BMP4: variants seen among roughly 807,000 people sequenced by gnomAD.
BMP4 encodes bone morphogenetic protein 2B.
BMP4 carries 3 observed loss-of-function variants against 29.6 expected under a neutral mutation model. The observed-to-expected ratio is 0.10, with a 90% confidence interval of 0.05 to 0.26. The LOEUF is 0.26. Among genes scored for constraint, BMP4 ranks in the 10% least tolerant of loss-of-function variants. The pLI is 1.00. For missense variants in BMP4, 455 were observed against 550.2 expected, an observed-to-expected ratio of 0.83 and a Z score of 1.73; for synonymous variants, 197 against 213.2, an observed-to-expected ratio of 0.92 and a Z score of 0.66.
chr14:53,954,756 C>A lies in BMP4; in HGVS notation c.-132-1356G>T, dbSNP rs1406917543. ...TCAGCGTTCAGCAGGGCCGGGAGCG[C>A]CAGGTCGTCCCCGGGGCCCGGGCCC... On this transcript the variant is annotated intron_variant, in intron 1 of 3. Transcript: ENST00000245451. This position sits in a 1 kb window ranked among gnomAD's most constrained non-coding sequence, Gnocchi z 4.8. 6.6e-6 allele frequency among the ~76,000 whole-genome samples: 1 copy of A among 152,130 alleles called. No individual in the cohort carries two copies. The highest frequency in any genetic ancestry group is 2.4e-5 in the African/African-American group (1 of 41,446).
intron 2 of BMP4, 39 bp downstream of exon 2, chr14:53,953,237 T>A: frequency 2.5e-6 from 1 of 395,178 alleles, no homozygotes; most frequent in Non-Finnish European, 4.5e-6. Flanking sequence ...GAGGGCAGAG[T>A]GAATTCCGGG....
Position 53,950,146 on chromosome 14 carries a change from G to A in BMP4, c.1113C>T (p.Ala371=). 6.2e-7 allele frequency: 1 copy of A among 1,614,216 alleles called. No homozygotes were observed. The highest frequency in any genetic ancestry group is 8.5e-7 in the Non-Finnish European group (1 of 1,180,042). ...CACTCAGTTCAGTGGGCACACAACAGGCTTTGGGGATACTGGAATTGACAG... is the reference window on the plus strand; with the variant it reads ...CACTCAGTTCAGTGGGCACACAACAAGCTTTGGGGATACTGGAATTGACAG... ...VNSVNSSIPK[A]CCVPTELSAI... is the part of the protein sequence containing the mutation. Residue 371 remains alanine (A), a synonymous_variant, in exon 4 of 4, where the codon GCC becomes GCT. Coordinates refer to ENST00000245451, the MANE Select transcript of BMP4 (RefSeq NM_001202.6). This position sits in a 1 kb window ranked among gnomAD's most constrained non-coding sequence, Gnocchi z 5.4.
Position 53,950,104 on chromosome 14 carries a change from G to A in BMP4, c.1155C>T (p.Tyr385=), listed in dbSNP as rs777414609. 1.2e-6 allele frequency: 2 copies of A among 1,613,968 alleles called. No homozygotes were observed. The highest frequency in any genetic ancestry group is 1.1e-5 in the South Asian group (1 of 91,086). The stretch of plus-strand genomic sequence containing the variant: ...GTACCACCTTATCATACTCATCCAG[G>A]TACAGCATGGAGATGGCACTCAGTT... The part of the protein sequence containing the change: ...PTELSAISML[Y]LDEYDKVVLK... Residue 385 remains tyrosine, a synonymous_variant, in exon 4 of 4, where the codon TAC becomes TAT. Transcript: ENST00000245451. The surrounding 1 kb of genome is among the most constrained non-coding windows in gnomAD (Gnocchi z 5.4).
chr14:53,950,443 C>G lies in BMP4; in HGVS notation c.816G>C (p.Leu272=). 6.2e-7 allele frequency: 1 copy of G among 1,613,930 alleles called. No homozygotes were observed. The highest frequency in any genetic ancestry group is 8.5e-7 in the Non-Finnish European group (1 of 1,180,032). Residue 272 remains leucine, a synonymous_variant, in exon 4 of 4, where the codon CTG becomes CTC. Transcript: ENST00000245451. The surrounding 1 kb of genome is among the most constrained non-coding windows in gnomAD (Gnocchi z 5.4). ...CCCGGCCATCATGGCCAAAGGTGAC[C>G]AGGAGGGGCCGGAGCTGGGCCCAAT... ...SGNWAQLRPL[L]VTFGHDGRGH...
intron 2 of BMP4, 76 bp from the exon 3 acceptor site, chr14:53,952,305 G>A (rs771464304): frequency 1.6e-5 from 24 of 1,531,756 alleles, no homozygotes; most frequent in Non-Finnish European, 2.0e-5. Flanking sequence ...AGATGTGTCT[G>A]CATATGCATT....
At chr14:53,952,333 G>A (rs1016652657) in intron 2 of BMP4, 104 bp from the exon 3 acceptor site, 2 of 1,368,632 alleles carry the variant, frequency 1.5e-6, no homozygotes, top group Non-Finnish European at 2.0e-6. Flanking sequence ...AGAAATGGAG[G>A]GGCAAGATGG....
In BMP4 at chr14:53,949,829, C is replaced by T; in HGVS notation, c.*203G>A. 1 of 560,916 alleles carries T rather than the reference C, an allele frequency of 1.8e-6. No homozygotes were observed. The highest frequency in any genetic ancestry group is 3.0e-6 in the Non-Finnish European group (1 of 328,648). The allele number at this position is 560,916 out of a possible 1,614,324, so 34.7% of individuals were successfully genotyped here. A position where few individuals can be genotyped will look rare whatever the true frequency, so the allele number is the denominator to read the frequency against. ...AAATATATGATCAATATGGTCAAAA[C>T]ATTTGCACGTAAAGTCATAAATAAG... On this transcript the variant is annotated 3_prime_UTR_variant, in exon 4 of 4. Coordinates refer to ENST00000245451, the MANE Select transcript of BMP4 (RefSeq NM_001202.6).
Position 53,951,580 on chromosome 14 carries a change from A to T in BMP4, c.370+273T>A, listed in dbSNP as rs1895411339. 3 of 428,768 alleles carry T rather than the reference A, an allele frequency of 7.0e-6. No individual in the cohort carries two copies. In the East Asian group the frequency reaches 1.1e-4, roughly 16 times the overall value. The allele number at this position is 428,768 out of a possible 1,614,324, so 26.6% of individuals were successfully genotyped here. On this transcript the variant is annotated intron_variant, in intron 3 of 3. Coordinates refer to ENST00000245451, the MANE Select transcript of BMP4 (RefSeq NM_001202.6). ...TTTGAAAAAAACGGGCAGAAAACCT[A>T]GCAGAAAAGGCTTTGATATAGCAAA...
rs1468852553 is a variant in BMP4 at position 53,956,744 on chromosome 14, G to C, written c.-327C>G. 2.5e-6 allele frequency: 1 copy of C among 399,364 alleles called. No homozygotes were observed. The highest frequency in any genetic ancestry group is 3.6e-5 in the East Asian group (1 of 28,092). The allele number at this position is 399,364 out of a possible 1,614,324, so 24.7% of individuals were successfully genotyped here. ...GTCTCAGGCTCGCGTCCCTCAGCTCGGATGCCACACTCACCTAGCTTCCGG... is the reference window on the plus strand; with the variant it reads ...GTCTCAGGCTCGCGTCCCTCAGCTCCGATGCCACACTCACCTAGCTTCCGG... On this transcript the variant is annotated 5_prime_UTR_variant, in exon 1 of 4. Transcript: ENST00000245451.
At chr14:53,951,618 G>T in intron 3 of BMP4, 1 of 601,488 alleles carries the variant, frequency 1.7e-6, no homozygotes. Flanking sequence ...CACACCGCTG[G>T]GGCTAGCCCA....
At position 53,952,241 on chromosome 14, in the gene BMP4, G is replaced by C; in HGVS notation, c.-7-12C>G. On this transcript the variant is annotated splice_polypyrimidine_tract_variant and intron_variant, in intron 2 of 3. Transcript: ENST00000245451. ...GAATCATGGTGTCTCTGGGGAGGGG[G>C]AGGGGAGTGGAAGGTTAAAGAATAA... 6.2e-7 allele frequency: 1 copy of C among 1,613,190 alleles called. No individual in the cohort carries two copies. Among genetic ancestry groups the C allele is most frequent in the Non-Finnish European group, 8.5e-7 (1 of 1,179,560 alleles).
In BMP4 at chr14:53,954,655, T is replaced by G. The variant is rs2140243722; in HGVS notation, c.-132-1255A>C. ...AGTTCAAGCAGTTACTGGGATGTCC[T>G]GACTAATCGAAGATGCTGCCGCGCG... On this transcript the variant is annotated intron_variant, in intron 1 of 3. Coordinates refer to ENST00000245451, the MANE Select transcript of BMP4 (RefSeq NM_001202.6). This position sits in a 1 kb window ranked among gnomAD's most constrained non-coding sequence, Gnocchi z 4.8. The G allele has an allele frequency of 6.6e-6, 1 of 152,206 alleles. No individual in the cohort carries two copies. Among genetic ancestry groups the G allele is most frequent in the Non-Finnish European group, 1.5e-5 (1 of 68,024 alleles). The allele number at this position is 152,206 out of a possible 1,614,324, so 9.4% of individuals were successfully genotyped here.
Position 53,950,109 on chromosome 14 carries a change from G to A in BMP4, c.1150C>T (p.Leu384=). 1 of 1,614,162 alleles carries A rather than the reference G, an allele frequency of 6.2e-7. No individual in the cohort carries two copies. The highest frequency in any genetic ancestry group is 1.1e-5 in the South Asian group (1 of 91,092). ...VPTELSAISM[L]YLDEYDKVVL... Reference sequence around the variant, plus strand: ...ACCTTATCATACTCATCCAGGTACAGCATGGAGATGGCACTCAGTTCAGTG... The same window carrying A: ...ACCTTATCATACTCATCCAGGTACAACATGGAGATGGCACTCAGTTCAGTG... The change falls in exon 4 of 4, where the codon CTG becomes TTG. Residue 384 remains leucine (L), a synonymous_variant. Transcript: ENST00000245451. This position sits in a 1 kb window ranked among gnomAD's most constrained non-coding sequence, Gnocchi z 5.4.
chr14:53,952,317 A>AG (rs1352892548), intron 2 of BMP4, 88 bp from the exon 3 acceptor site: 1 of 1,481,932 alleles, frequency 6.7e-7, no homozygotes, highest in East Asian at 2.3e-5. Context: ...ATATGCATTT[A>AG]GGGCTAGAAA....
In BMP4 at chr14:53,952,196, C is replaced by CATCA; in HGVS notation, c.23_26dup (p.Met9IlefsTer18). ...GCAGGACTTGGCATAATAAAACGAC[C>CATCA]ATCAGCATTCGGTTACCAGGAATCA... On this transcript the variant is annotated frameshift_variant, in exon 3 of 4. Coordinates refer to ENST00000245451, the MANE Select transcript of BMP4 (RefSeq NM_001202.6). LOFTEE classifies it high-confidence loss of function. The CATCA allele has an allele frequency of 6.2e-7, 1 of 1,614,090 alleles. No homozygotes were observed. The highest frequency in any genetic ancestry group is 8.5e-7 in the Non-Finnish European group (1 of 1,180,010).
rs1895678111 is a variant in BMP4, at chr14:53,955,372, G to A, written c.-133+1178C>T. The A allele has an allele frequency of 6.6e-6, 1 of 152,228 alleles. No individual in the cohort carries two copies. Among genetic ancestry groups the A allele is most frequent in the South Asian group, 2.1e-4 (1 of 4,836 alleles). 9.4% of individuals were successfully genotyped at this position (152,228 alleles called of 1,614,324 possible). A position where few individuals can be genotyped will look rare whatever the true frequency, so the allele number is the denominator to read the frequency against. ...CCGAGAGGATAGGAAGGGGAAGGGG[G>A]AGTTGTGTTTCAATTTCGGATTCAC... On this transcript the variant is annotated intron_variant, in intron 1 of 3. Coordinates refer to ENST00000245451, the MANE Select transcript of BMP4 (RefSeq NM_001202.6). The surrounding 1 kb of genome is among the most constrained non-coding windows in gnomAD (Gnocchi z 4.0).
At chr14:53,951,562 A>T (rs2140236897) in intron 3 of BMP4, 1 of 396,408 alleles carries the variant, frequency 2.5e-6, no homozygotes, top group Admixed American at 4.1e-5. Flanking sequence ...TGCTTTGAAA[A>T]AAACGGGCAG....
rs1594793359 is a variant in BMP4, at chr14:53,950,942, A to G, written c.371-54T>C. 3.8e-6 allele frequency: 6 copies of G among 1,595,200 alleles called. No individual in the cohort carries two copies. Among genetic ancestry groups the G allele is most frequent in the South Asian group, 1.1e-5 (1 of 90,608 alleles). On this transcript the variant is annotated intron_variant, in intron 3 of 3. Transcript: ENST00000245451. This position sits in a 1 kb window ranked among gnomAD's most constrained non-coding sequence, Gnocchi z 5.4. The stretch of plus-strand genomic sequence containing the variant: ...AGAAAAAGCATATGAACTTTTTTCA[A>G]AGATGGAAGAGTCAAGAGATAGCTC...
Position 53,953,341 on chromosome 14 carries a change from T to C in BMP4, c.-73A>G, listed in dbSNP as rs1364694087. The C allele has an allele frequency of 7.5e-6, 3 of 399,144 alleles. No homozygotes were observed. Among genetic ancestry groups the C allele is most frequent in the African/African-American group, 2.1e-5 (1 of 48,630 alleles). 24.7% of individuals were successfully genotyped at this position (399,144 alleles called of 1,614,324 possible). ...GACAGCCAATCTTGAACAAACTTGC[T>C]GGAAAGGCTCAGGGAAGCTGCAGCA... On this transcript the variant is annotated 5_prime_UTR_variant, in exon 2 of 4. Coordinates refer to ENST00000245451, the MANE Select transcript of BMP4 (RefSeq NM_001202.6).
Sources: gnomAD v4.1 joint callset for allele counts (sites outside exome capture counted in the v4.1 genomes callset) on GRCh38, gnomAD v4.1.1 for gene constraint, Gnocchi (gnomAD v3.1) non-coding constraint, MANE v1.5 for transcripts, NCBI Gene and HGNC (gene_info 2026-07-23, HGNC 2026-07-21) for gene names.